PARD3: variants seen among roughly 807,000 people sequenced by gnomAD.
PARD3 encodes par-3 family cell polarity regulator, also known as partitioning defective 3 homolog.
PARD3 carries 75 observed loss-of-function variants against 155.4 expected under a neutral mutation model. The ratio of observed to expected loss-of-function variants is 0.48; its 90% confidence interval spans 0.40 to 0.58. PARD3 has a LOEUF of 0.58. PARD3 is among the 20% of genes least tolerant of loss of function. The pLI, the probability that PARD3 is intolerant of heterozygous loss-of-function variation, is 0.00. For missense variants in PARD3, 1,642 were observed against 1,721.7 expected, an observed-to-expected ratio of 0.95 and a Z score of 0.82; for synonymous variants, 576 against 610.5, an observed-to-expected ratio of 0.94 and a Z score of 0.83.
At chr10:34,447,104 A>T (rs1226090169) in intron 5 of PARD3, among the ~76,000 whole-genome samples, 1 of 152,194 alleles carries the variant, frequency 6.6e-6, no homozygotes, top group African/African-American at 2.4e-5. Context: ...CTGAAAAATG[A>T]TCAGCATCAC....
At chr10:34,293,101 A>G (rs980142156) in intron 20 of PARD3, among the ~76,000 whole-genome samples, 1 of 152,242 alleles carries the variant, frequency 6.6e-6, no homozygotes, top group African/African-American at 2.4e-5. Flanking sequence ...TAAAGATTTA[A>G]GAGAAATAAA....
At chr10:34,530,201 T>C (rs1195781189) in intron 2 of PARD3, among the ~76,000 whole-genome samples, 1 of 152,044 alleles carries the variant, frequency 6.6e-6, no homozygotes, top group Non-Finnish European at 1.5e-5. Context: ...CAGGCACCAC[T>C]GTGTCACTTT....
At chr10:34,252,250 G>A (rs1380728569) in intron 22 of PARD3, among the ~76,000 whole-genome samples, 1 of 152,154 alleles carries the variant, frequency 6.6e-6, no homozygotes, top group African/African-American at 2.4e-5. Flanking sequence ...GCCCCTCAGA[G>A]GCAGCTGAGG....
At chr10:34,161,517 G>A (rs1241427310) in intron 22 of PARD3, among the ~76,000 whole-genome samples, 1 of 151,976 alleles carries the variant, frequency 6.6e-6, no homozygotes, top group Admixed American at 6.6e-5. Flanking sequence ...TAACCAAACT[G>A]GCCAAGACTG....
At chr10:34,807,673 T>C (rs1292212637) in intron 1 of PARD3, among the ~76,000 whole-genome samples, 1 of 132,888 alleles carries the variant, frequency 7.5e-6, no homozygotes, top group East Asian at 2.1e-4. Context: ...ATTTCTCTTG[T>C]GTGCTTGTGT....
chr10:34,650,312 C>G (rs944727546), intron 2 of PARD3, among the ~76,000 whole-genome samples: 4 of 152,214 alleles, frequency 2.6e-5, no homozygotes, highest in Admixed American at 2.6e-4. Context: ...GTCGACACTA[C>G]GACGTCACTA....
At chr10:34,590,477 A>G (rs1379811755) in intron 2 of PARD3, among the ~76,000 whole-genome samples, 1 of 152,246 alleles carries the variant, frequency 6.6e-6, no homozygotes, top group East Asian at 1.9e-4. Flanking sequence ...TCCATAGTTG[A>G]TTGCATTTTC....
intron 7 of PARD3, among the ~76,000 whole-genome samples, chr10:34,389,104 T>C (rs1213450647): frequency 6.6e-6 from 1 of 152,110 alleles, no homozygotes; most frequent in Non-Finnish European, 1.5e-5. Context: ...TAGTCTCCTA[T>C]ATTTTCTTCA....
chr10:34,769,236 A>T (rs1588670352), intron 1 of PARD3, among the ~76,000 whole-genome samples: 1 of 152,040 alleles, frequency 6.6e-6, no homozygotes, highest in African/African-American at 2.4e-5. Context: ...ACTGAGCACC[A>T]CCGGTACGGC....
Position 34,676,363 on chromosome 10 carries a change from A to G in PARD3, c.222+19955T>C, listed in dbSNP as rs568493171. Among the ~76,000 whole-genome samples the G allele has an allele frequency of 1.8e-4, 27 of 152,262 alleles. 1 individual carries two copies. Among genetic ancestry groups the G allele is most frequent in the African/African-American group, 5.8e-4 (24 of 41,564 alleles). Reference sequence around the variant, plus strand: ...GAGGATGGTTCCTGCTTGAGGGGGAAAAAGTCTGTCTTTCTTAGCAGTGCT... The same window carrying G: ...GAGGATGGTTCCTGCTTGAGGGGGAGAAAGTCTGTCTTTCTTAGCAGTGCT... On this transcript the variant is annotated intron_variant, in intron 2 of 24. Transcript: ENST00000374788.
At chr10:34,633,330 G>A (rs767899048) in intron 2 of PARD3, among the ~76,000 whole-genome samples, 5 of 151,980 alleles carry the variant, frequency 3.3e-5, no homozygotes, top group Non-Finnish European at 5.9e-5. Context: ...CTTTGGTTAC[G>A]ATCTCCCCAA....
intron 2 of PARD3, among the ~76,000 whole-genome samples, chr10:34,593,663 T>G (rs999676115): frequency 5.3e-5 from 8 of 152,166 alleles, no homozygotes; most frequent in Admixed American, 5.2e-4. Context: ...GAATAGAACC[T>G]TGAGATGATT....
intron 1 of PARD3, among the ~76,000 whole-genome samples, chr10:34,795,343 G>A (rs761921818): frequency 5.3e-5 from 8 of 152,208 alleles, no homozygotes; most frequent in Non-Finnish European, 1.2e-4. Context: ...AGGCATGGTA[G>A]TTCATACCTA....
At chr10:34,348,177 G>A (rs933635909) in intron 14 of PARD3, 62 bp from the exon 15 acceptor site, 1 of 1,440,212 alleles carries the variant, frequency 6.9e-7, no homozygotes, top group Non-Finnish European at 9.4e-7. Context: ...TTAGCAGCAT[G>A]GGAGAATTAT....
At chr10:34,704,111 G>T (rs1425876621) in intron 1 of PARD3, among the ~76,000 whole-genome samples, 2 of 152,122 alleles carry the variant, frequency 1.3e-5, no homozygotes, top group Non-Finnish European at 2.9e-5. Context: ...GGAGCAGAGT[G>T]ACCAGTCCAG....
At chr10:34,177,061 TG>T (rs1216027560) in intron 22 of PARD3, among the ~76,000 whole-genome samples, 1 of 151,922 alleles carries the variant, frequency 6.6e-6, no homozygotes, top group Admixed American at 6.6e-5. Flanking sequence ...TGTGTTGGTT[TG>T]GATGGGATGA....
intron 1 of PARD3, among the ~76,000 whole-genome samples, chr10:34,787,310 C>T (rs963920735): frequency 3.3e-5 from 5 of 152,070 alleles, no homozygotes; most frequent in African/African-American, 1.2e-4. Context: ...ACCCAGGAGG[C>T]GAAGGTTGCA....
At chr10:34,563,151 A>C (rs1197161439) in intron 2 of PARD3, among the ~76,000 whole-genome samples, 1 of 152,184 alleles carries the variant, frequency 6.6e-6, no homozygotes, top group Non-Finnish European at 1.5e-5. Context: ...ATAACACTAC[A>C]ATCATTCATT....
At chr10:34,430,153 T>C (rs562736835) in intron 5 of PARD3, among the ~76,000 whole-genome samples, 52 of 152,390 alleles carry the variant, frequency 3.4e-4, no homozygotes, top group Middle Eastern at 3.4e-3. Context: ...ATATGCCAAC[T>C]GGCATGTTCT....
Sources: allele counts gnomAD v4.1 joint callset (sites outside exome capture counted in the v4.1 genomes callset), GRCh38; gene constraint gnomAD v4.1.1; transcripts MANE v1.5; gene names NCBI Gene and HGNC (gene_info 2026-07-23, HGNC 2026-07-21).